Variants in RBFOX1 observed in about 807,000 individuals in gnomAD.
The protein encoded by RBFOX1 is RNA binding fox-1 homolog 1, also known as RNA binding protein fox-1 homolog 1.
RBFOX1 carries 8 observed loss-of-function variants against 57.7 expected under a neutral mutation model. That is an observed-to-expected ratio of 0.14 (90% CI 0.08 to 0.25). RBFOX1 has a LOEUF of 0.25. RBFOX1 is among the 10% of genes least tolerant of loss of function. The pLI, the probability that RBFOX1 is intolerant of heterozygous loss-of-function variation, is 1.00. For missense variants in RBFOX1, 611 were observed against 548.5 expected (o/e 1.11, Z -1.14); for synonymous variants, 326 against 222.4 (o/e 1.47, Z -4.15).
intron 1 of RBFOX1, among the ~76,000 whole-genome samples, chr16:5,337,447 C>A (rs2064925551): frequency 6.6e-6 from 1 of 152,146 alleles, no homozygotes; most frequent in Non-Finnish European, 1.5e-5. Flanking sequence ...TATAGACCCT[C>A]TAAAATATTT....
chr16:6,563,026 G>C (rs1312846211), intron 2 of RBFOX1, among the ~76,000 whole-genome samples: 2 of 151,526 alleles, frequency 1.3e-5, no homozygotes, highest in Non-Finnish European at 2.9e-5. Context: ...TGTGTTCAAT[G>C]TCATTTGCAC....
At chr16:7,055,714 C>T (rs528525066) in intron 4 of RBFOX1, among the ~76,000 whole-genome samples, 1 of 152,192 alleles carries the variant, frequency 6.6e-6, no homozygotes, top group Non-Finnish European at 1.5e-5. Flanking sequence ...TTTGCAGCAT[C>T]AGGCACATTG....
chr16:7,591,780 T>A (rs2094454693), intron 7 of RBFOX1, among the ~76,000 whole-genome samples: 1 of 152,182 alleles, frequency 6.6e-6, no homozygotes, highest in Admixed American at 6.5e-5. Context: ...AATGTGCTTG[T>A]TTTGTTCTCC....
intron 1 of RBFOX1, among the ~76,000 whole-genome samples, chr16:6,140,371 T>G (rs2096706390): frequency 6.6e-6 from 1 of 152,070 alleles, no homozygotes; most frequent in Non-Finnish European, 1.5e-5. Context: ...TTTTAATATT[T>G]TTTTTGTAGA....
At chr16:6,922,176 G>T (rs560802678) in intron 3 of RBFOX1, among the ~76,000 whole-genome samples, 2 of 152,100 alleles carry the variant, frequency 1.3e-5, no homozygotes, top group Non-Finnish European at 2.9e-5. Flanking sequence ...AATGGATCCT[G>T]GGGGGTAGGT....
At chr16:6,026,434 G>A (rs2152375375) in intron 1 of RBFOX1, among the ~76,000 whole-genome samples, 1 of 152,350 alleles carries the variant, frequency 6.6e-6, no homozygotes, top group East Asian at 1.9e-4. Flanking sequence ...CACAACAGCA[G>A]GTAAGAGGCA....
intron 3 of RBFOX1, among the ~76,000 whole-genome samples, chr16:6,758,338 C>G (rs935746690): frequency 1.3e-5 from 2 of 152,088 alleles, no homozygotes; most frequent in Admixed American, 6.6e-5. Flanking sequence ...TAAACCACGA[C>G]ATAATAGATT....
At chr16:7,000,565 TTTTC>T (rs2092688238) in intron 3 of RBFOX1, among the ~76,000 whole-genome samples, 1 of 149,134 alleles carries the variant, frequency 6.7e-6, no homozygotes, top group South Asian at 2.1e-4. Flanking sequence ...ACATAATAAG[TTTTC>T]TTTTCTTTTT....
intron 3 of RBFOX1, among the ~76,000 whole-genome samples, chr16:6,999,866 G>C (rs1259062534): frequency 3.9e-5 from 6 of 152,092 alleles, no homozygotes; most frequent in Admixed American, 6.6e-5. Flanking sequence ...GAGGTCAGGA[G>C]TTTGAGAGCA....
intron 14 of RBFOX1, among the ~76,000 whole-genome samples, chr16:7,689,005 C>G (rs2076750329): frequency 6.6e-6 from 1 of 152,074 alleles, no homozygotes; most frequent in African/African-American, 2.4e-5. Flanking sequence ...CAACTGTGTT[C>G]AGGTTTCACC....
chr16:6,190,565 A>G (rs2097135190), intron 1 of RBFOX1, among the ~76,000 whole-genome samples: 1 of 152,174 alleles, frequency 6.6e-6, no homozygotes, highest in African/African-American at 2.4e-5. Context: ...ATCGACTTAA[A>G]TCTTTCAGCA....
intron 3 of RBFOX1, among the ~76,000 whole-genome samples, chr16:6,961,290 C>G (rs760861470): frequency 4.6e-5 from 7 of 152,216 alleles, no homozygotes; most frequent in Non-Finnish European, 4.4e-5. Context: ...GAGAGGAGAG[C>G]TAAGCAATGC....
chr16:6,143,959 CTATATA>C (rs71142686), intron 1 of RBFOX1, among the ~76,000 whole-genome samples: 1 of 139,962 alleles, frequency 7.1e-6, no homozygotes, highest in African/African-American at 2.8e-5. Context: ...CCATACTCAG[CTATATA>C]TATATATATA....
At chr16:6,185,387 G>A (rs777308702) in intron 1 of RBFOX1, among the ~76,000 whole-genome samples, 5 of 152,214 alleles carry the variant, frequency 3.3e-5, no homozygotes, top group Admixed American at 6.5e-5. Context: ...GTTTCAAGGC[G>A]TTCAATACCG....
intron 3 of RBFOX1, among the ~76,000 whole-genome samples, chr16:5,846,735 T>C (rs2056766840): frequency 1.3e-5 from 2 of 152,210 alleles, no homozygotes; most frequent in Non-Finnish European, 2.9e-5. Flanking sequence ...TAGCCAAGAA[T>C]GCTCCACTTC....
intron 6 of RBFOX1, among the ~76,000 whole-genome samples, chr16:7,585,133 T>C (rs1020255472): frequency 6.6e-6 from 1 of 152,226 alleles, no homozygotes; most frequent in African/African-American, 2.4e-5. Flanking sequence ...ATGCCTGAAA[T>C]AAATATGATA....
chr16:6,553,454 G>C (rs1183270231), intron 2 of RBFOX1, among the ~76,000 whole-genome samples: 1 of 152,152 alleles, frequency 6.6e-6, no homozygotes, highest in Admixed American at 6.6e-5. Context: ...TAATTGGCAA[G>C]GGAAACATGG....
chr16:5,778,028 C>G (rs1465178132), intron 3 of RBFOX1, among the ~76,000 whole-genome samples: 1 of 152,100 alleles, frequency 6.6e-6, no homozygotes, highest in Non-Finnish European at 1.5e-5. Context: ...TGCTCAGAAC[C>G]CTAGGGCCAG....
chr16:7,346,096 C>A (rs554741156), intron 4 of RBFOX1, among the ~76,000 whole-genome samples: 248 of 152,190 alleles, frequency 1.6e-3, no homozygotes, highest in African/African-American at 5.7e-3. Flanking sequence ...TTTGTCCTTG[C>A]GATAGTTTGC....
Sources: allele counts gnomAD v4.1 joint callset (sites outside exome capture counted in the v4.1 genomes callset), GRCh38; gene constraint gnomAD v4.1.1; transcripts MANE v1.5; gene names NCBI Gene and HGNC (gene_info 2026-07-23, HGNC 2026-07-21).